The following SATL1 variants were observed in gnomAD, a reference collection of about 807,000 sequenced individuals.
SATL1 encodes spermidine/spermine N(1)-acetyltransferase-like protein 1.
A neutral mutation model predicts 51.8 loss-of-function variants in SATL1; 47 were observed. The observed-to-expected ratio is 0.91, with a 90% CI of 0.72 to 1.16. The LOEUF is 1.16. Among genes scored for constraint, SATL1 ranks in the 50% most tolerant of loss-of-function variants. The probability of loss-of-function intolerance (pLI) is 0.00; values close to 1 mark genes in which losing one functional copy is unlikely to be tolerated. For missense variants in SATL1, 520 were observed against 526.4 expected, an observed-to-expected ratio of 0.99 and a Z score of 0.12; for synonymous variants, 176 against 182.4, an observed-to-expected ratio of 0.97 and a Z score of 0.28.
chrX:85,217,610 G>A (rs1386925690), intron 2 of SATL1, among the ~76,000 whole-genome samples: 1 of 111,636 alleles, frequency 9.0e-6, no homozygotes, highest in Admixed American at 9.5e-5. Flanking sequence ...TTATTTCAAG[G>A]ATACATGGTA....
At chrX:85,205,645 A>T (rs763697925) in intron 2 of SATL1, among the ~76,000 whole-genome samples, 1 of 112,422 alleles carries the variant, frequency 8.9e-6, no homozygotes, top group South Asian at 3.7e-4. Context: ...TTTCAAAGAA[A>T]GAAATTCAAC....
At chrX:85,119,242 G>T (rs1333688516) in intron 2 of SATL1, among the ~76,000 whole-genome samples, 4 of 111,852 alleles carry the variant, frequency 3.6e-5, no homozygotes, top group African/African-American at 1.3e-4. Flanking sequence ...CTGCTCACAT[G>T]TGATCCTCAT....
intron 2 of SATL1, among the ~76,000 whole-genome samples, chrX:85,197,978 CT>C (rs772736396): frequency 1.3e-3 from 145 of 110,434 alleles, no homozygotes; most frequent in African/African-American, 4.5e-3. Flanking sequence ...CCCCTTGCCC[CT>C]GCCACTACTC....
chrX:85,174,507 G>A (rs1256463459), intron 2 of SATL1, among the ~76,000 whole-genome samples: 1 of 110,018 alleles, frequency 9.1e-6, no homozygotes, highest in Non-Finnish European at 1.9e-5. Context: ...ATTTTTAGTA[G>A]AGATGGAGTT....
At chrX:85,180,704 A>C (rs1229381004) in intron 2 of SATL1, among the ~76,000 whole-genome samples, 1 of 110,895 alleles carries the variant, frequency 9.0e-6, no homozygotes, top group Non-Finnish European at 1.9e-5. Flanking sequence ...ATTATATTGG[A>C]GTAGGCAGAT....
chrX:85,124,226 C>T (rs1925569088), intron 2 of SATL1, among the ~76,000 whole-genome samples: 1 of 111,128 alleles, frequency 9.0e-6, no homozygotes, highest in African/African-American at 3.3e-5. Flanking sequence ...ATATTACCCC[C>T]AGGCATATCT....
chrX:85,201,739 A>G (rs866386455), intron 2 of SATL1, among the ~76,000 whole-genome samples: 1 of 111,547 alleles, frequency 9.0e-6, no homozygotes, highest in African/African-American at 3.3e-5. Context: ...TTCCTGTGTT[A>G]AGTTTGCTAA....
chrX:85,197,632 T>C (rs1490074052), intron 2 of SATL1, among the ~76,000 whole-genome samples: 1 of 107,543 alleles, frequency 9.3e-6, no homozygotes, highest in Non-Finnish European at 1.9e-5. Context: ...CATCTCCTAA[T>C]GCTATCCCTC....
chrX:85,147,442 C>T (rs1217012529), intron 2 of SATL1, among the ~76,000 whole-genome samples: 1 of 106,485 alleles, frequency 9.4e-6, no homozygotes, highest in Non-Finnish European at 1.9e-5. Context: ...CTTAAATGTC[C>T]CTGTCTGACA....
chrX:85,133,603 C>T (rs921494050), intron 2 of SATL1, among the ~76,000 whole-genome samples: 4 of 112,232 alleles, frequency 3.6e-5, no homozygotes, highest in Admixed American at 9.4e-5. Flanking sequence ...CCCCTCATGC[C>T]TCCCGGCTGA....
At chrX:85,230,615 CAG>C (rs1374495374) in intron 1 of SATL1, among the ~76,000 whole-genome samples, 1 of 112,026 alleles carries the variant, frequency 8.9e-6, no homozygotes, top group Non-Finnish European at 1.9e-5. Context: ...AAACAGTCCA[CAG>C]AGTGAAATGA....
rs1318817579 is a variant in SATL1 at position 85,107,619 on chromosome X, G to C, written c.1350C>G (p.Val450=). 5.8e-6 allele frequency: 7 copies of C among 1,211,066 alleles called. No individual in the cohort carries two copies. In the East Asian group the frequency reaches 2.1e-4, roughly 36 times the overall value. The change falls in exon 3 of 8, where the codon GTC becomes GTG. Residue 450 remains valine (V), a synonymous_variant. Coordinates refer to ENST00000644105, the MANE Select transcript of SATL1 (RefSeq NM_001367857.2). ...GMWQPGMSQQ[V]PSQLGMRQPG... is the part of the protein sequence containing the mutation. ...GTTGTCTCATGCCTAGTTGGCTGGG[G>C]ACTTGCTGGCTCATGCCTGGTTGCC...
At chrX:85,114,867 T>G (rs1220407224) in intron 2 of SATL1, among the ~76,000 whole-genome samples, 1 of 112,468 alleles carries the variant, frequency 8.9e-6, no homozygotes, top group Admixed American at 9.4e-5. Context: ...ATAAAACTTT[T>G]ATAACCCTTT....
chrX:85,164,564 C>T (rs964964082), intron 2 of SATL1, among the ~76,000 whole-genome samples: 1 of 110,787 alleles, frequency 9.0e-6, no homozygotes, highest in African/African-American at 3.3e-5. Flanking sequence ...AAAGATAGGA[C>T]CCCAATCTCT....
intron 2 of SATL1, among the ~76,000 whole-genome samples, chrX:85,151,699 A>G (rs1216431830): frequency 5.4e-5 from 6 of 111,686 alleles, no homozygotes; most frequent in Admixed American, 9.5e-5. Context: ...CAAACCTGAG[A>G]AAAACAAGCA....
At chrX:85,242,080 T>C (rs769320115) in intron 1 of SATL1, among the ~76,000 whole-genome samples, 2 of 111,628 alleles carry the variant, frequency 1.8e-5, no homozygotes, top group Non-Finnish European at 3.8e-5. Flanking sequence ...GAGGAAGAAT[T>C]CTCAGGATAT....
At chrX:85,178,199 A>G (rs2147738308) in intron 2 of SATL1, among the ~76,000 whole-genome samples, 1 of 111,305 alleles carries the variant, frequency 9.0e-6, no homozygotes, top group Non-Finnish European at 1.9e-5. Context: ...ACAGAAGATT[A>G]TCTGTTTCAG....
intron 4 of SATL1, among the ~76,000 whole-genome samples, chrX:85,100,391 T>A (rs557195537): frequency 9.0e-6 from 1 of 111,702 alleles, no homozygotes; most frequent in South Asian, 3.7e-4. Flanking sequence ...TGTGTTTCTA[T>A]ATAGCAGCAA....
At chrX:85,148,882 C>A (rs892232193) in intron 2 of SATL1, among the ~76,000 whole-genome samples, 1 of 110,982 alleles carries the variant, frequency 9.0e-6, no homozygotes, top group Non-Finnish European at 1.9e-5. Flanking sequence ...TAAAGGCCAT[C>A]GAGACTAGGA....
Sources: gnomAD v4.1 joint callset for allele counts (sites outside exome capture counted in the v4.1 genomes callset) on GRCh38, gnomAD v4.1.1 for gene constraint, MANE v1.5 for transcripts, NCBI Gene and HGNC (gene_info 2026-07-23, HGNC 2026-07-21) for gene names.